Variants in WDFY4 observed in about 807,000 individuals in gnomAD.
WDFY4 encodes the protein WD repeat- and FYVE domain-containing protein 4.
WDFY4 carries 169 observed loss-of-function variants against 351.9 expected under a neutral mutation model. The observed-to-expected ratio is 0.48, with a 90% confidence interval of 0.42 to 0.55. WDFY4 has a LOEUF of 0.55. Among genes scored for constraint, WDFY4 ranks in the 20% least tolerant of loss-of-function variants. WDFY4 has a pLI of 0.00. For synonymous variants in WDFY4, 1,622 were observed against 1,574.6 expected, an observed-to-expected ratio of 1.03 and a Z score of -0.71; for missense variants, 3,803 against 3,935.6, an observed-to-expected ratio of 0.97 and a Z score of 0.90.
intron 45 of WDFY4, 56 bp from the exon 46 acceptor site, chr10:48,900,165 G>T (rs1837283357): frequency 6.8e-6 from 10 of 1,478,650 alleles, no homozygotes; most frequent in Admixed American, 6.2e-5. Context: ...GTGTCACCCT[G>T]GGGCGTCTCT....
At chr10:48,812,191 TTTTTTTTG>T (rs1340341596) in intron 30 of WDFY4, among the ~76,000 whole-genome samples, 25 of 91,476 alleles carry the variant, frequency 2.7e-4, no homozygotes, top group Non-Finnish European at 4.8e-4. Flanking sequence ...TTTTTTTTTG[TTTTTTTTG>T]TTTTTTTTTG....
At chr10:48,950,360 C>T (rs114213333) in intron 51 of WDFY4, among the ~76,000 whole-genome samples, 202 of 152,328 alleles carry the variant, frequency 1.3e-3, no homozygotes, top group African/African-American at 4.5e-3. Context: ...TCCATTGTTG[C>T]GGCATGTGTC....
intron 47 of WDFY4, among the ~76,000 whole-genome samples, chr10:48,933,679 T>C (rs1840172995): frequency 6.6e-6 from 1 of 152,058 alleles, no homozygotes; most frequent in Non-Finnish European, 1.5e-5. Context: ...TATATGATAC[T>C]AGTAGGGAGC....
At chr10:48,835,659 A>G (rs2068361602) in intron 39 of WDFY4, among the ~76,000 whole-genome samples, 1 of 152,204 alleles carries the variant, frequency 6.6e-6, no homozygotes, top group African/African-American at 2.4e-5. Flanking sequence ...AGCATGGTTA[A>G]GCTTTTGTAA....
intron 12 of WDFY4, among the ~76,000 whole-genome samples, chr10:48,747,164 T>C (rs961177044): frequency 1.3e-5 from 2 of 152,218 alleles, no homozygotes; most frequent in African/African-American, 4.8e-5. Context: ...TGGTTGACAG[T>C]TATTTTCTCA....
In WDFY4 at chr10:48,743,225, C is replaced by T. The variant is rs763636587; in HGVS notation, c.2136C>T (p.Ala712=). ...FRRNGLFEKL[A]EDLCLLGCFG... is the part of the protein sequence containing the mutation. ...GGAATGGGCTCTTTGAGAAGCTGGCCGAGGACCTCTGCCTGCTGGGCTGTT... is the reference window on the plus strand; with the variant it reads ...GGAATGGGCTCTTTGAGAAGCTGGCTGAGGACCTCTGCCTGCTGGGCTGTT... The change falls in exon 12 of 62, where the codon GCC becomes GCT. Residue 712 remains alanine (A), a synonymous_variant. Transcript: ENST00000325239. 1.7e-5 allele frequency: 26 copies of T among 1,551,548 alleles called. No individual in the cohort carries two copies. Among genetic ancestry groups the T allele is most frequent in the African/African-American group, 8.2e-5 (6 of 73,014 alleles).
At chr10:48,947,029 T>C (rs561703864) in intron 51 of WDFY4, 60 bp downstream of exon 51, 4 of 1,279,838 alleles carry the variant, frequency 3.1e-6, no homozygotes, top group South Asian at 1.3e-5. Context: ...CATACGCCTG[T>C]ATCACAAGAC....
At chr10:48,971,579 G>A (rs1385517736) in intron 57 of WDFY4, among the ~76,000 whole-genome samples, 1 of 151,680 alleles carries the variant, frequency 6.6e-6, no homozygotes, top group Non-Finnish European at 1.5e-5. Flanking sequence ...AATTTTCACT[G>A]AAACATGTTT....
In WDFY4 at chr10:48,975,000, C is replaced by A; in HGVS notation, c.9067C>A (p.His3023Asn). 1.3e-6 allele frequency: 2 copies of A among 1,551,678 alleles called. No homozygotes were observed. Among genetic ancestry groups the A allele is most frequent in the Non-Finnish European group, 1.7e-6 (2 of 1,146,974 alleles). ...CACCCACGTGACCCGCCTGCCCGCC[C>A]ATCGGGAAGGCATCTCAGCCATCAC... ...HLTHVTRLPA[H>N]REGISAITIS... Residue 3023 changes from histidine (H) to asparagine (N), a missense_variant, in exon 58 of 62, where the codon CAT becomes AAT. His to Asn is a moderately conservative substitution (Grantham distance 68, BLOSUM62 1). Coordinates refer to ENST00000325239, the MANE Select transcript of WDFY4 (RefSeq NM_001394531.1).
chr10:48,728,724 G>T (rs1041487788), intron 7 of WDFY4, among the ~76,000 whole-genome samples: 1 of 152,250 alleles, frequency 6.6e-6, no homozygotes, highest in African/African-American at 2.4e-5. Flanking sequence ...TCTGGGCTGT[G>T]ACCAGCTGAC....
intron 30 of WDFY4, 130 bp from the exon 31 acceptor site, chr10:48,813,827 A>G: frequency 8.7e-7 from 1 of 1,150,892 alleles, no homozygotes; most frequent in Non-Finnish European, 1.2e-6. Flanking sequence ...TGGATCAACC[A>G]CCTAGGCTGC....
chr10:48,885,750 A>G (rs533491231), intron 43 of WDFY4, among the ~76,000 whole-genome samples: 5 of 152,282 alleles, frequency 3.3e-5, no homozygotes, highest in Non-Finnish European at 5.9e-5. Context: ...ATATAGATAG[A>G]TAGGTAGATA....
At chr10:48,711,751 G>A (rs753979131) in intron 2 of WDFY4, among the ~76,000 whole-genome samples, 8 of 152,204 alleles carry the variant, frequency 5.3e-5, no homozygotes, top group East Asian at 3.8e-4. Context: ...CAGAGCAGAC[G>A]GCATCGAATA....
At position 48,729,551 on chromosome 10, in the gene WDFY4, C is replaced by G; in HGVS notation, c.1091C>G (p.Pro364Arg). The change falls in exon 8 of 62, where the codon CCT (proline) becomes CGT (arginine). Residue 364 changes from proline to arginine, a missense_variant. Pro to Arg is a moderately radical substitution (Grantham distance 103). Coordinates refer to ENST00000325239, the MANE Select transcript of WDFY4 (RefSeq NM_001394531.1). The part of the protein sequence containing the change: ...ELKVFDSITY[P>R]QLEGFKFHHE... ...AAGGTGTTTGACAGCATCACTTACC[C>G]TCAGCTTGAAGGCTTCAAGTTCCAT... 6.4e-7 allele frequency: 1 copy of G among 1,551,742 alleles called. No individual in the cohort carries two copies. The highest frequency in any genetic ancestry group is 8.7e-7 in the Non-Finnish European group (1 of 1,147,006).
chr10:48,787,960 CT>C (rs1481936785), intron 20 of WDFY4, among the ~76,000 whole-genome samples: 8 of 126,416 alleles, frequency 6.3e-5, no homozygotes, highest in Non-Finnish European at 9.7e-5. Context: ...TCTTCTTCTT[CT>C]TCTTCTTCTT....
chr10:48,793,789 T>C (rs958721670), intron 23 of WDFY4, among the ~76,000 whole-genome samples: 1 of 152,214 alleles, frequency 6.6e-6, no homozygotes, highest in African/African-American at 2.4e-5. Context: ...TTAAGTGGCT[T>C]GCTCAGGAGT....
chr10:48,832,208 T>C (rs1327635767), intron 38 of WDFY4, among the ~76,000 whole-genome samples: 2 of 152,236 alleles, frequency 1.3e-5, no homozygotes, highest in Non-Finnish European at 2.9e-5. Context: ...TCCAGGGTCT[T>C]TAAACACATC....
At chr10:48,900,891 G>A (rs1040160578) in intron 46 of WDFY4, among the ~76,000 whole-genome samples, 2 of 152,178 alleles carry the variant, frequency 1.3e-5, no homozygotes, top group African/African-American at 4.8e-5. Flanking sequence ...TTGGTTTGTA[G>A]TGAATCTAGA....
chr10:48,774,405 T>C, intron 13 of WDFY4, 53 bp from the exon 14 acceptor site: 1 of 1,539,096 alleles, frequency 6.5e-7, no homozygotes, highest in Non-Finnish European at 8.8e-7. Flanking sequence ...ATAAAAGCTG[T>C]CCACAAGGTG....
Sources: gnomAD v4.1 joint callset for allele counts (sites outside exome capture counted in the v4.1 genomes callset) on GRCh38, gnomAD v4.1.1 for gene constraint, MANE v1.5 for transcripts, NCBI Gene and HGNC (gene_info 2026-07-23, HGNC 2026-07-21) for gene names.